Variants in MAPK6 observed in about 807,000 individuals in gnomAD.
The protein encoded by MAPK6 is mitogen-activated protein kinase 6.
Under a neutral mutation model 59.3 loss-of-function variants are expected in MAPK6, and 19 were observed. The ratio of observed to expected loss-of-function variants is 0.32; its 90% CI spans 0.22 to 0.47. The LOEUF (loss-of-function observed/expected upper bound fraction) is 0.47, where lower values mean the gene tolerates loss of function less well. Among genes scored for constraint, MAPK6 ranks in the 20% least tolerant of loss-of-function variants. The pLI is 1.00. For missense variants in MAPK6, 724 were observed against 847.9 expected, an observed-to-expected ratio of 0.85 and a Z score of 1.81; for synonymous variants, 316 against 290.3, an observed-to-expected ratio of 1.09 and a Z score of -0.90.
chr15:52,028,185 C>T (rs986619673), intron 1 of MAPK6, among the ~76,000 whole-genome samples: 2 of 152,082 alleles, frequency 1.3e-5, no homozygotes, highest in African/African-American at 4.8e-5. Context: ...ATCTCCTGAC[C>T]TTGTGATCCG....
At chr15:51,991,153 AC>A (rs2057207270) in intron 2 of MAPK6, among the ~76,000 whole-genome samples, 1 of 125,116 alleles carries the variant, frequency 8.0e-6, no homozygotes, top group African/African-American at 4.0e-5. Flanking sequence ...ATATATACAC[AC>A]ACACACACAC....
intron 2 of MAPK6, among the ~76,000 whole-genome samples, chr15:51,989,460 A>G (rs999432104): frequency 6.6e-6 from 1 of 152,088 alleles, no homozygotes; most frequent in African/African-American, 2.4e-5. Flanking sequence ...GGGGGATATA[A>G]ATAGTCTACC....
intron 3 of MAPK6, among the ~76,000 whole-genome samples, chr15:52,053,611 A>C: frequency 8.6e-4 from 2 of 2,318 alleles, no homozygotes; most frequent in African/African-American, 3.2e-3. Context: ...TGGTTGATTG[A>C]TTGATTGATT....
chr15:52,000,720 C>T (rs552590722), intron 2 of MAPK6, among the ~76,000 whole-genome samples: 3 of 151,812 alleles, frequency 2.0e-5, no homozygotes, highest in African/African-American at 4.8e-5. Context: ...GAAGGGGAAT[C>T]TCCCAGAAGG....
intron 1 of MAPK6, among the ~76,000 whole-genome samples, chr15:52,021,845 A>G (rs1418229007): frequency 6.6e-6 from 1 of 152,236 alleles, no homozygotes; most frequent in Non-Finnish European, 1.5e-5. Context: ...CTGTTTTAAT[A>G]AAGACAATTT....
At chr15:51,981,182 C>G (rs1376885008) in intron 1 of MAPK6, among the ~76,000 whole-genome samples, 3 of 151,566 alleles carry the variant, frequency 2.0e-5, no homozygotes, top group Admixed American at 2.0e-4. Flanking sequence ...TATGAAAATT[C>G]AGACTTATCG....
chr15:52,028,970 A>G (rs372168447), intron 1 of MAPK6, among the ~76,000 whole-genome samples: 44 of 152,332 alleles, frequency 2.9e-4, no homozygotes, highest in Admixed American at 1.5e-3. Flanking sequence ...TTTTCGGCCT[A>G]TTCATCTACT....
chr15:52,041,741 T>G (rs2031424266), intron 1 of MAPK6, among the ~76,000 whole-genome samples: 1 of 152,170 alleles, frequency 6.6e-6, no homozygotes, highest in Non-Finnish European at 1.5e-5. Flanking sequence ...CTTTCTAAGG[T>G]CACTAGGAGA....
At chr15:52,034,667 A>G (rs188779626) in intron 1 of MAPK6, among the ~76,000 whole-genome samples, 4 of 151,210 alleles carry the variant, frequency 2.6e-5, no homozygotes, top group East Asian at 2.0e-4. Context: ...GTTTTCAACA[A>G]TTTCACTCTG....
At chr15:52,051,473 C>T (rs1403377616) in intron 3 of MAPK6, among the ~76,000 whole-genome samples, 1 of 152,130 alleles carries the variant, frequency 6.6e-6, no homozygotes, top group Non-Finnish European at 1.5e-5. Flanking sequence ...TAGGAGAGCA[C>T]TGGTGAAGAA....
chr15:52,061,197 G>A, intron 4 of MAPK6, 102 bp from the exon 5 acceptor site: 1 of 840,426 alleles, frequency 1.2e-6, no homozygotes, highest in South Asian at 1.5e-5. Flanking sequence ...TAGTGCTAAG[G>A]TAATCACTTA....
intron 3 of MAPK6, among the ~76,000 whole-genome samples, chr15:52,013,019 AAATATATATATATATATATATATATATAT>A (rs1384001273): frequency 3.2e-4 from 12 of 37,806 alleles, no homozygotes; most frequent in African/African-American, 1.4e-3. Flanking sequence ...AAAAAAAAAA[AAATATATATATATATATATATATATATAT>A]ATATATATAT....
intron 2 of MAPK6, among the ~76,000 whole-genome samples, chr15:51,992,267 T>TTATCTATCTATC (rs534947314): frequency 2.9e-4 from 41 of 139,962 alleles, no homozygotes; most frequent in African/African-American, 1.1e-3. Context: ...TGTCCCTCAT[T>TTATCTATCTATC]TATCTATCTA....
intron 1 of MAPK6, among the ~76,000 whole-genome samples, chr15:52,030,038 C>T (rs1452069317): frequency 6.6e-6 from 1 of 152,194 alleles, no homozygotes; most frequent in Non-Finnish European, 1.5e-5. Context: ...TACCTCCTTT[C>T]CTTTGCCCTT....
chr15:51,981,578 A>G (rs2057173658), intron 1 of MAPK6, among the ~76,000 whole-genome samples: 1 of 152,244 alleles, frequency 6.6e-6, no homozygotes, highest in Non-Finnish European at 1.5e-5. Flanking sequence ...ACAGAAGCAA[A>G]GTTTGTCCTT....
chr15:51,975,456 G>C (rs1222278683), intron 1 of MAPK6, among the ~76,000 whole-genome samples: 1 of 151,402 alleles, frequency 6.6e-6, no homozygotes, highest in Non-Finnish European at 1.5e-5. Flanking sequence ...CAGGAGAATC[G>C]CTTGAATCCG....
chr15:51,993,947 T>TTTTA (rs147415900), intron 2 of MAPK6, among the ~76,000 whole-genome samples: 4,849 of 151,652 alleles, frequency 0.032, 266 homozygotes, highest in African/African-American at 0.11. Flanking sequence ...CTCGGTTTCT[T>TTTTA]TTTATTTATT....
chr15:52,012,882 G>A (rs944806736), intron 3 of MAPK6, among the ~76,000 whole-genome samples: 2 of 150,408 alleles, frequency 1.3e-5, no homozygotes, highest in Non-Finnish European at 3.0e-5. Flanking sequence ...AGCTACTCGG[G>A]AGGATGAGGC....
At chr15:52,048,099 C>G (rs149152982) in intron 2 of MAPK6, among the ~76,000 whole-genome samples, 1 of 152,198 alleles carries the variant, frequency 6.6e-6, no homozygotes, top group East Asian at 1.9e-4. Context: ...CAGTACATGC[C>G]TAAGACAAAT....
Sources: gnomAD v4.1 joint callset for allele counts (sites outside exome capture counted in the v4.1 genomes callset) on GRCh38, gnomAD v4.1.1 for gene constraint, MANE v1.5 for transcripts, NCBI Gene and HGNC (gene_info 2026-07-23, HGNC 2026-07-21) for gene names.